The following CDH13 variants were observed in gnomAD, a reference collection of about 807,000 sequenced individuals.
The protein encoded by CDH13 is cadherin-13.
A neutral mutation model predicts 63.8 loss-of-function variants in CDH13; 24 were observed. The ratio of observed to expected loss-of-function variants is 0.38; its 90% CI spans 0.27 to 0.53. The LOEUF (loss-of-function observed/expected upper bound fraction) is 0.53, where lower values mean the gene tolerates loss of function less well. Among genes scored for constraint, CDH13 ranks in the 20% least tolerant of loss-of-function variants. CDH13 has a pLI of 0.85. For synonymous variants in CDH13, 503 were observed against 355.3 expected, an observed-to-expected ratio of 1.42 and a Z score of -4.67; for missense variants, 1,049 against 903.1, an observed-to-expected ratio of 1.16 and a Z score of -2.07.
chr16:83,236,426 C>G (rs1404929271), intron 5 of CDH13, among the ~76,000 whole-genome samples: 1 of 152,118 alleles, frequency 6.6e-6, no homozygotes, highest in Middle Eastern at 3.2e-3. Context: ...AAGAAAAGCT[C>G]TTAATAACAT....
chr16:83,648,340 T>A (rs1025942680), intron 8 of CDH13, among the ~76,000 whole-genome samples: 1 of 152,066 alleles, frequency 6.6e-6, no homozygotes, highest in Non-Finnish European at 1.5e-5. Context: ...GACTTAAGGG[T>A]CACTTTGATT....
At chr16:83,485,199 A>C (rs1298384101) in intron 6 of CDH13, among the ~76,000 whole-genome samples, 1 of 152,216 alleles carries the variant, frequency 6.6e-6, no homozygotes, top group Non-Finnish European at 1.5e-5. Flanking sequence ...ACCTTGACAG[A>C]TAATTCAGCT....
intron 6 of CDH13, among the ~76,000 whole-genome samples, chr16:83,394,305 G>T (rs1197982506): frequency 2.0e-5 from 3 of 152,040 alleles, no homozygotes; most frequent in African/African-American, 7.2e-5. Context: ...CAGGGGTGCG[G>T]TTTTCAATTG....
intron 5 of CDH13, among the ~76,000 whole-genome samples, chr16:83,279,956 C>G (rs1040720395): frequency 6.6e-6 from 1 of 151,950 alleles, no homozygotes; most frequent in Non-Finnish European, 1.5e-5. Context: ...ATTAAAAATA[C>G]GTTATAACTA....
At chr16:82,857,695 T>C (rs1165913618) in intron 1 of CDH13, among the ~76,000 whole-genome samples, 1 of 152,246 alleles carries the variant, frequency 6.6e-6, no homozygotes, top group Admixed American at 6.5e-5. Context: ...GTGAAATTAA[T>C]TTTAATAACA....
Position 83,140,349 on chromosome 16 carries a change from C to G in CDH13, c.483+14848C>G, listed in dbSNP as rs74436250. ...TGTCCTTCATCAACACGTGGTATGGCAGACCATTGCTATGGCCAACACTGA... is the reference window on the plus strand; with the variant it reads ...TGTCCTTCATCAACACGTGGTATGGGAGACCATTGCTATGGCCAACACTGA... On this transcript the variant is annotated intron_variant, in intron 4 of 13. Coordinates refer to ENST00000567109, the MANE Select transcript of CDH13 (RefSeq NM_001257.5). Among the ~76,000 whole-genome samples the G allele has an allele frequency of 6.5e-3, 987 of 152,342 alleles. 29 individuals carry two copies. Among genetic ancestry groups the G allele is most frequent in the Admixed American group, 0.041 (620 of 15,306 alleles).
At chr16:82,839,100 T>C (rs998168690) in intron 1 of CDH13, among the ~76,000 whole-genome samples, 1 of 152,222 alleles carries the variant, frequency 6.6e-6, no homozygotes, top group African/African-American at 2.4e-5. Context: ...CCGTGGGCTT[T>C]GGTTTGCCAA....
chr16:83,295,801 A>G (rs1006619871), intron 5 of CDH13, among the ~76,000 whole-genome samples: 1 of 152,180 alleles, frequency 6.6e-6, no homozygotes, highest in Non-Finnish European at 1.5e-5. Flanking sequence ...CATATGATTC[A>G]ACAATCTCAC....
chr16:83,588,001 A>G (rs1906337234), intron 7 of CDH13, among the ~76,000 whole-genome samples: 1 of 149,920 alleles, frequency 6.7e-6, no homozygotes, highest in Non-Finnish European at 1.5e-5. Flanking sequence ...ATGAGGACCC[A>G]GTTGTCATAC....
intron 3 of CDH13, among the ~76,000 whole-genome samples, chr16:83,069,510 A>G (rs1001555778): frequency 2.4e-4 from 36 of 152,186 alleles, no homozygotes; most frequent in Non-Finnish European, 4.4e-4. Flanking sequence ...TATTTTGAAG[A>G]TGAAAAGCTG....
At chr16:83,606,629 C>T (rs188497540) in intron 8 of CDH13, among the ~76,000 whole-genome samples, 19 of 149,170 alleles carry the variant, frequency 1.3e-4, no homozygotes, top group Middle Eastern at 3.5e-3. Context: ...TGGGAGGCTG[C>T]GGTAGGAGGA....
intron 1 of CDH13, among the ~76,000 whole-genome samples, chr16:82,668,903 C>T (rs974065765): frequency 1.3e-5 from 2 of 152,180 alleles, no homozygotes; most frequent in African/African-American, 2.4e-5. Flanking sequence ...AATTTCTGTG[C>T]ATGTGAGTTT....
At chr16:83,106,964 C>G (rs770211451) in intron 3 of CDH13, among the ~76,000 whole-genome samples, 1 of 151,924 alleles carries the variant, frequency 6.6e-6, no homozygotes, top group East Asian at 1.9e-4. Flanking sequence ...TCCCTCCTAC[C>G]GAATGCTAAG....
chr16:83,387,315 C>T (rs1266796571), intron 6 of CDH13, among the ~76,000 whole-genome samples: 1 of 152,178 alleles, frequency 6.6e-6, no homozygotes, highest in Non-Finnish European at 1.5e-5. Flanking sequence ...CTGGAAAGTT[C>T]TTATTCTCCA....
At chr16:83,356,540 C>G (rs2091061087) in intron 6 of CDH13, among the ~76,000 whole-genome samples, 1 of 152,158 alleles carries the variant, frequency 6.6e-6, no homozygotes, top group Non-Finnish European at 1.5e-5. Context: ...CACCCTTGCT[C>G]TAAGACTCCC....
At chr16:83,008,526 T>C (rs1183150575) in intron 2 of CDH13, among the ~76,000 whole-genome samples, 1 of 152,244 alleles carries the variant, frequency 6.6e-6, no homozygotes, top group Non-Finnish European at 1.5e-5. Context: ...AAGTATGTTA[T>C]GGAGAAGGCT....
At chr16:82,763,574 A>T (rs757718476) in intron 1 of CDH13, among the ~76,000 whole-genome samples, 1 of 152,282 alleles carries the variant, frequency 6.6e-6, no homozygotes, top group Non-Finnish European at 1.5e-5. Flanking sequence ...CAATGTCTGC[A>T]TATATTTGAC....
chr16:83,514,787 G>C (rs559613306), intron 7 of CDH13, among the ~76,000 whole-genome samples: 1 of 152,194 alleles, frequency 6.6e-6, no homozygotes, highest in Non-Finnish European at 1.5e-5. Context: ...ACAACTAGAA[G>C]CTAGGATAGA....
At chr16:83,314,212 C>T (rs2090059075) in intron 5 of CDH13, among the ~76,000 whole-genome samples, 1 of 152,108 alleles carries the variant, frequency 6.6e-6, no homozygotes, top group African/African-American at 2.4e-5. Flanking sequence ...AACGGACAAT[C>T]TATAATATCT....
Sources: allele counts gnomAD v4.1 joint callset (sites outside exome capture counted in the v4.1 genomes callset), GRCh38; gene constraint gnomAD v4.1.1; transcripts MANE v1.5; gene names NCBI Gene and HGNC (gene_info 2026-07-23, HGNC 2026-07-21).